Variants in MID2 observed in about 807,000 individuals in gnomAD.
MID2 encodes probable E3 ubiquitin-protein ligase MID2.
In MID2, 13 loss-of-function variants were observed where a neutral mutation model predicts 46.1. That is an observed-to-expected ratio of 0.28 (90% CI 0.18 to 0.45). The LOEUF (loss-of-function observed/expected upper bound fraction) is 0.45. Ranked by LOEUF, MID2 falls within the 20% of genes least tolerant of loss-of-function variation. The probability of loss-of-function intolerance (pLI) is 1.00; values close to 1 mark genes in which losing one functional copy is unlikely to be tolerated. For synonymous variants in MID2, 199 were observed against 212.3 expected (o/e 0.94, Z 0.55); for missense variants, 431 against 575.4 (o/e 0.75, Z 2.57).
At chrX:107,880,412 G>A (rs1443656698) in intron 3 of MID2, among the ~76,000 whole-genome samples, 2 of 111,515 alleles carry the variant, frequency 1.8e-5, no homozygotes, top group Non-Finnish European at 3.8e-5. Context: ...ATGAGTCACT[G>A]TGCCTAGCTT....
At chrX:107,837,320 A>C (rs980128386) in intron 1 of MID2, among the ~76,000 whole-genome samples, 2 of 111,933 alleles carry the variant, frequency 1.8e-5, no homozygotes, top group African/African-American at 6.5e-5. Context: ...CATGGCTTTC[A>C]GCAATACATG....
intron 3 of MID2, among the ~76,000 whole-genome samples, chrX:107,885,582 ACGTGTG>A (rs748920522): frequency 4.5e-4 from 50 of 111,386 alleles, no homozygotes; most frequent in Non-Finnish European, 5.8e-4. Flanking sequence ...CAATAAACAT[ACGTGTG>A]CTCGTGTCTT....
At chrX:107,853,590 G>A (rs764060468) in intron 2 of MID2, among the ~76,000 whole-genome samples, 7 of 111,506 alleles carry the variant, frequency 6.3e-5, no homozygotes, top group East Asian at 5.6e-4. Flanking sequence ...GTGAACCACC[G>A]TGCCTGGCTG....
chrX:107,926,793 T>G lies in MID2; in HGVS notation c.1928T>G (p.Met643Arg). 2 of 1,211,482 alleles carry G rather than the reference T, an allele frequency of 1.7e-6. No homozygotes were observed. Among genetic ancestry groups the G allele is most frequent in the Non-Finnish European group, 2.2e-6 (2 of 895,364 alleles). Reference protein sequence around the residue: ...NFVVRHNNKEMLVDVPPHLKR... With the variant: ...NFVVRHNNKERLVDVPPHLKR... ...GTGGTGAGACACAACAACAAGGAAA[T>G]GCTGGTGGATGTGCCCCCACACCTG... is the stretch of plus-strand genomic sequence containing the variant. The change falls in exon 10 of 10, where the codon ATG becomes AGG. Residue 643 changes from methionine to arginine, a missense_variant. Coordinates refer to ENST00000262843, the MANE Select transcript of MID2 (RefSeq NM_012216.4).
intron 5 of MID2, among the ~76,000 whole-genome samples, chrX:107,912,205 T>C (rs1286863990): frequency 8.9e-6 from 1 of 112,193 alleles, no homozygotes; most frequent in Non-Finnish European, 1.9e-5. Context: ...AATCTTTTAC[T>C]TGTTGGCATC....
chrX:107,919,870 C>T (rs1339348457), intron 7 of MID2, among the ~76,000 whole-genome samples: 1 of 111,800 alleles, frequency 8.9e-6, no homozygotes. Context: ...AATTGAATGT[C>T]TAAAACAAAA....
intron 3 of MID2, among the ~76,000 whole-genome samples, chrX:107,863,837 T>C (rs1931904401): frequency 8.9e-6 from 1 of 112,039 alleles, no homozygotes; most frequent in Admixed American, 9.4e-5. Flanking sequence ...TCTAGAGGAG[T>C]CCAGCTCTGT....
At chrX:107,867,457 G>A (rs1428637865) in intron 3 of MID2, among the ~76,000 whole-genome samples, 1 of 110,548 alleles carries the variant, frequency 9.0e-6, no homozygotes, top group African/African-American at 3.3e-5. Flanking sequence ...CACCGCGCCC[G>A]GCCTGTAGTG....
intron 5 of MID2, among the ~76,000 whole-genome samples, chrX:107,915,452 A>C (rs1195654525): frequency 9.1e-6 from 1 of 110,079 alleles, no homozygotes; most frequent in Non-Finnish European, 1.9e-5. Context: ...AGGCTGAGAC[A>C]TGAGAATTGC....
At chrX:107,917,314 G>A (rs1367883048) in intron 6 of MID2, among the ~76,000 whole-genome samples, 192 bp from the exon 7 acceptor site, 1 of 111,633 alleles carries the variant, frequency 9.0e-6, no homozygotes, top group Non-Finnish European at 1.9e-5. Flanking sequence ...TTTTATTGAT[G>A]TAGCAAAAGT....
intron 3 of MID2, among the ~76,000 whole-genome samples, chrX:107,857,908 G>A (rs531892861): frequency 3.6e-5 from 4 of 111,776 alleles, no homozygotes; most frequent in South Asian, 3.8e-4. Context: ...CAGCTAAGGC[G>A]CTTCTGAGAA....
chrX:107,924,611 G>C lies in MID2; in HGVS notation c.1597+107G>C, dbSNP rs7879884. ...GCAGTGCATGGGGAGCAGTGGTACT[G>C]GGTAGAGGAGCTATACTGTTGTAGT... On this transcript the variant is annotated intron_variant, in intron 8 of 9. Transcript: ENST00000262843. 7.3e-4 allele frequency: 615 copies of C among 840,030 alleles called. 6 individuals carry two copies. In the African/African-American group the frequency reaches 0.012, roughly 16 times the overall value. The allele number at this position is 840,030 out of a possible 1,213,427, so 69.2% of individuals were successfully genotyped here. A position where few individuals can be genotyped will look rare whatever the true frequency, so the allele number is the denominator to read the frequency against.
At chrX:107,890,083 G>T (rs951983566) in intron 3 of MID2, among the ~76,000 whole-genome samples, 1 of 111,707 alleles carries the variant, frequency 9.0e-6, no homozygotes, top group African/African-American at 3.3e-5. Flanking sequence ...TTAGCTCGGA[G>T]TAGTTTGATC....
chrX:107,910,795 T>TTCCTG, intron 5 of MID2, among the ~76,000 whole-genome samples: 1 of 16,197 alleles, frequency 6.2e-5, no homozygotes, highest in African/African-American at 8.5e-4. Flanking sequence ...TTCCTTTCCT[T>TTCCTG]TCCTTTCCTT....
intron 1 of MID2, among the ~76,000 whole-genome samples, chrX:107,836,691 A>C (rs761015825): frequency 1.8e-5 from 2 of 111,212 alleles, no homozygotes; most frequent in Non-Finnish European, 3.8e-5. Context: ...GATAATTGAA[A>C]GGATTCTAAA....
chrX:107,874,561 T>A (rs1174198758), intron 3 of MID2, among the ~76,000 whole-genome samples: 1 of 112,351 alleles, frequency 8.9e-6, no homozygotes, highest in Non-Finnish European at 1.9e-5. Flanking sequence ...TTCTGACACA[T>A]AAAGATTAAA....
intron 3 of MID2, among the ~76,000 whole-genome samples, chrX:107,897,573 CA>C (rs1932756508): frequency 9.0e-6 from 1 of 111,456 alleles, no homozygotes; most frequent in Non-Finnish European, 1.9e-5. Flanking sequence ...CTTTAGAAAA[CA>C]AAAAAGAAGA....
intron 5 of MID2, among the ~76,000 whole-genome samples, chrX:107,911,457 T>G (rs1376025510): frequency 1.8e-5 from 2 of 112,147 alleles, no homozygotes; most frequent in African/African-American, 6.5e-5. Context: ...TTCCTAATTT[T>G]ATTCACAAGA....
At chrX:107,888,630 G>C (rs758198143) in intron 3 of MID2, among the ~76,000 whole-genome samples, 30 of 111,930 alleles carry the variant, frequency 2.7e-4, no homozygotes, top group Non-Finnish European at 5.3e-4. Flanking sequence ...TGTCTATTAG[G>C]TCTGCTTGGT....
Sources: gnomAD v4.1 joint callset for allele counts (sites outside exome capture counted in the v4.1 genomes callset) on GRCh38, gnomAD v4.1.1 for gene constraint, MANE v1.5 for transcripts, NCBI Gene and HGNC (gene_info 2026-07-23, HGNC 2026-07-21) for gene names.